GPN2: variants seen among roughly 807,000 people sequenced by gnomAD.
The protein encoded by GPN2 is GPN-loop GTPase 2.
A neutral mutation model predicts 30.1 loss-of-function variants in GPN2; 27 were observed. The observed-to-expected ratio is 0.90, with a 90% CI of 0.66 to 1.24. The LOEUF is 1.24. GPN2 is among the 50% of genes most tolerant of loss of function. The pLI, the probability that GPN2 is intolerant of heterozygous loss-of-function variation, is 0.00. For synonymous variants in GPN2, 212 were observed against 174.4 expected, an observed-to-expected ratio of 1.22 and a Z score of -1.70; for missense variants, 406 against 405.4, an observed-to-expected ratio of 1.00 and a Z score of -0.01.
chr1:26,883,786 CAA>C (rs772763510), intron 4 of GPN2, among the ~76,000 whole-genome samples: 3 of 133,194 alleles, frequency 2.3e-5, no homozygotes. Context: ...AACTCCCTTT[CAA>C]AAAAAAAAAA....
intron 4 of GPN2, 77 bp downstream of exon 4, chr1:26,884,083 T>C (rs1465412073): frequency 8.1e-7 from 1 of 1,229,512 alleles, no homozygotes; most frequent in Non-Finnish European, 1.1e-6. Flanking sequence ...ACAAGGTTGA[T>C]GACTGCACCT....
intron 3 of GPN2, among the ~76,000 whole-genome samples, chr1:26,885,148 G>A (rs1038104633): frequency 6.6e-6 from 1 of 152,194 alleles, no homozygotes; most frequent in African/African-American, 2.4e-5. Context: ...TAATTGTTGT[G>A]ATTGATATTA....
At position 26,886,121 on chromosome 1, in the gene GPN2, T is replaced by C. The variant is rs1279828689; in HGVS notation, c.581A>G (p.Asp194Gly). Residue 194 changes from aspartate (D) to glycine (G), a missense_variant, in exon 3 of 5, where the codon GAC becomes GGC. Asp to Gly is a moderately conservative substitution (Grantham distance 94). Coordinates refer to ENST00000374135, the MANE Select transcript of GPN2 (RefSeq NM_018066.4). ...EHYGKLAFNL[D>G]YYTEVLDLSY... ...GAGGTCCAGAACCTCTGTGTAGTAG[T>C]CCAGGTTGAAGGCTAAAGAGAGAAA... 2 of 1,613,510 alleles carry C rather than the reference T, an allele frequency of 1.2e-6. No homozygotes were observed. The highest frequency in any genetic ancestry group is 1.7e-6 in the Non-Finnish European group (2 of 1,179,542).
chr1:26,884,390 T>C, intron 3 of GPN2, 100 bp from the exon 4 acceptor site: 2 of 1,248,908 alleles, frequency 1.6e-6, no homozygotes, highest in Non-Finnish European at 2.2e-6. Context: ...CCTCTGTACC[T>C]GTAGCTTTCT....
intron 3 of GPN2, 117 bp from the exon 4 acceptor site, chr1:26,884,407 G>T: frequency 9.8e-7 from 1 of 1,015,596 alleles, no homozygotes; most frequent in Non-Finnish European, 1.4e-6. Flanking sequence ...TTCTTGGCCT[G>T]GAGTAGTTCT....
intron 4 of GPN2, among the ~76,000 whole-genome samples, chr1:26,883,668 C>T (rs1234501280): frequency 2.0e-5 from 3 of 151,626 alleles, no homozygotes; most frequent in Non-Finnish European, 2.9e-5. Context: ...ACACTAATAC[C>T]AGCTACTTGG....
chr1:26,889,083 G>C lies in GPN2; in HGVS notation c.454C>G (p.Pro152Ala), dbSNP rs759786061. Residue 152 changes from proline to alanine, a missense_variant, in exon 2 of 5, where the codon CCT becomes GCT. Coordinates refer to ENST00000374135, the MANE Select transcript of GPN2 (RefSeq NM_018066.4). Reference sequence around the variant, plus strand: ...CACAGTACTGAAATGAACTTGGCAGGGTCTGTGCAGTAGTGAGAATCCACG... The same window carrying C: ...CACAGTACTGAAATGAACTTGGCAGCGTCTGTGCAGTAGTGAGAATCCACG... ...HLVDSHYCTD[P>A]AKFISVLCTS... is the part of the protein sequence containing the mutation. 4 of 1,613,904 alleles carry C rather than the reference G, an allele frequency of 2.5e-6. No individual in the cohort carries two copies. The Admixed American group carries it at 6.7e-5, about 27-fold the overall frequency.
At chr1:26,886,364 T>C (rs1331210855) in intron 2 of GPN2, 1 of 581,550 alleles carries the variant, frequency 1.7e-6, no homozygotes, top group Non-Finnish European at 3.2e-6. Context: ...TTAAATGCTA[T>C]AAACCCCAGT....
chr1:26,889,848 G>C lies in GPN2; in HGVS notation c.249C>G (p.Tyr83Ter). 6.2e-7 allele frequency: 1 copy of C among 1,613,324 alleles called. No individual in the cohort carries two copies. Among genetic ancestry groups the C allele is most frequent in the East Asian group, 2.2e-5 (1 of 44,882 alleles). The change falls in exon 1 of 5, where the codon TAC becomes TAG. Residue 83 changes from tyrosine (Y) to a stop codon, truncating the protein, a stop_gained. Coordinates refer to ENST00000374135, the MANE Select transcript of GPN2 (RefSeq NM_018066.4). LOFTEE classifies it high-confidence loss of function. ...GGTTGGCTTCCAGGTACTCCATGCA[G>C]TAGAGCAGGCCGCCGTTGGGCCCCA... Reference protein sequence around the residue: ...LRLGPNGGLLYCMEYLEANLD... With the variant: ...LRLGPNGGLL
chr1:26,882,696 G>C (rs777525058), intron 4 of GPN2, among the ~76,000 whole-genome samples: 1 of 152,186 alleles, frequency 6.6e-6, no homozygotes, highest in Non-Finnish European at 1.5e-5. Context: ...CCTGCTTCAC[G>C]CATGGCCTCT....
Position 26,889,777 on chromosome 1 carries a change from A to G in GPN2, c.320T>C (p.Phe107Ser). 1 of 1,613,928 alleles carries G rather than the reference A, an allele frequency of 6.2e-7. No individual in the cohort carries two copies. The highest frequency in any genetic ancestry group is 8.5e-7 in the Non-Finnish European group (1 of 1,180,010). ...AKLDPLRGHY[F>S]LFDCPGQVEL... ...CACCTGGCCTGGGCAGTCGAAGAGGAAGTAGTGGCCGCGGAGGGGGTCGAG... is the reference window on the plus strand; with the variant it reads ...CACCTGGCCTGGGCAGTCGAAGAGGGAGTAGTGGCCGCGGAGGGGGTCGAG... The change falls in exon 1 of 5, where the codon TTC becomes TCC. Residue 107 changes from phenylalanine (F) to serine (S), a missense_variant. Coordinates refer to ENST00000374135, the MANE Select transcript of GPN2 (RefSeq NM_018066.4).
At position 26,889,993 on chromosome 1, in the gene GPN2, G is replaced by A. The variant is rs762518810; in HGVS notation, c.104C>T (p.Ala35Val). 8.1e-5 allele frequency: 130 copies of A among 1,601,426 alleles called. No homozygotes were observed. The highest frequency in any genetic ancestry group is 1.7e-4 in the Admixed American group (10 of 59,864). The change falls in exon 1 of 5, where the codon GCG becomes GTG. Residue 35 changes from alanine to valine, a missense_variant. Ala to Val is a moderately conservative substitution (Grantham distance 64, BLOSUM62 0). Transcript: ENST00000374135. The part of the protein sequence containing the change: ...YCLGMSEFLR[A>V]LGRRVAVVNL... Reference sequence around the variant, plus strand: ...CACCACCGCCACGCGCCGGCCCAGCGCGCGCAGGAACTCACTCATGCCCAG... The same window carrying A: ...CACCACCGCCACGCGCCGGCCCAGCACGCGCAGGAACTCACTCATGCCCAG...
In GPN2 at chr1:26,879,471, G is replaced by A. The variant is rs2081854161; in HGVS notation, c.*206C>T. On this transcript the variant is annotated 3_prime_UTR_variant, in exon 5 of 5. Coordinates refer to ENST00000374135, the MANE Select transcript of GPN2 (RefSeq NM_018066.4). ...TCTGGTGGCAGGGCCCAGAGCTCAC[G>A]GACACCACTGACAGTATGGGGGGTG... The A allele has an allele frequency of 7.0e-6, 4 of 571,884 alleles. No homozygotes were observed. Among genetic ancestry groups the A allele is most frequent in the Admixed American group, 5.9e-5 (2 of 33,748 alleles). 35.4% of individuals were successfully genotyped at this position (571,884 alleles called of 1,614,324 possible). A position where few individuals can be genotyped will look rare whatever the true frequency, so the allele number is the denominator to read the frequency against.
intron 2 of GPN2, among the ~76,000 whole-genome samples, chr1:26,888,530 C>A (rs1413987477): frequency 6.6e-6 from 1 of 152,238 alleles, no homozygotes; most frequent in Non-Finnish European, 1.5e-5. Flanking sequence ...CTGCATAGAA[C>A]AGTCCTCCCT....
In GPN2 at chr1:26,879,746, T is replaced by A; in HGVS notation, c.864A>T (p.Thr288=). The A allele has an allele frequency of 6.2e-7, 1 of 1,613,272 alleles. No homozygotes were observed. Residue 288 remains threonine (T), a synonymous_variant, in exon 5 of 5, where the codon ACA becomes ACT. Coordinates refer to ENST00000374135, the MANE Select transcript of GPN2 (RefSeq NM_018066.4). ...CCAGGTACTTCTCCTGGATGCCCAGTGTGCTGAGGAAGGGTGCGTCAAGGC... is the reference window on the plus strand; with the variant it reads ...CCAGGTACTTCTCCTGGATGCCCAGAGTGCTGAGGAAGGGTGCGTCAAGGC... ...AMGADFHFSS[T]LGIQEKYLAP...
chr1:26,887,286 G>T (rs2124003225), intron 2 of GPN2, among the ~76,000 whole-genome samples: 1 of 152,260 alleles, frequency 6.6e-6, no homozygotes, highest in South Asian at 2.1e-4. Flanking sequence ...CTCACTAAAA[G>T]AAGTAAGTTG....
chr1:26,885,864 C>G, intron 3 of GPN2, 109 bp downstream of exon 3: 1 of 856,626 alleles, frequency 1.2e-6, no homozygotes, highest in South Asian at 1.6e-5. Context: ...GAGGCTTGAG[C>G]AACCGCGCCC....
chr1:26,877,725 A>C lies in GPN2; in HGVS notation c.*1952T>G, dbSNP rs532615563. 1 of 152,304 alleles carries C rather than the reference A, an allele frequency of 6.6e-6. No individual in the cohort carries two copies. Among genetic ancestry groups the C allele is most frequent in the East Asian group, 1.9e-4 (1 of 5,190 alleles). 9.4% of individuals were successfully genotyped at this position (152,304 alleles called of 1,614,324 possible). On this transcript the variant is annotated 3_prime_UTR_variant, in exon 5 of 5. Coordinates refer to ENST00000374135, the MANE Select transcript of GPN2 (RefSeq NM_018066.4). ...GTGGAAGCACTCTAAAATACCAAGCACTTCATATGTGTTAATAAGTCCAAA... is the reference window on the plus strand; with the variant it reads ...GTGGAAGCACTCTAAAATACCAAGCCCTTCATATGTGTTAATAAGTCCAAA...
In GPN2 at chr1:26,886,029, G is replaced by A. The variant is rs1461005564; in HGVS notation, c.673C>T (p.Leu225=). Reference sequence around the variant, plus strand: ...CTATAGTCTTCGATGAGCTGCACTAGCTTCTCATTGAGCTGGCGGTAGTGG... The same window carrying A: ...CTATAGTCTTCGATGAGCTGCACTAACTTCTCATTGAGCTGGCGGTAGTGG... ...FRHYRQLNEK[L]VQLIEDYSLV... is the part of the protein sequence containing the mutation. The change falls in exon 3 of 5, where the codon CTA becomes TTA. Residue 225 remains leucine (L), a synonymous_variant. Coordinates refer to ENST00000374135, the MANE Select transcript of GPN2 (RefSeq NM_018066.4). 3.7e-6 allele frequency: 6 copies of A among 1,613,434 alleles called. No individual in the cohort carries two copies. The South Asian group carries it at 4.4e-5, about 12-fold the overall frequency.
Sources: gnomAD v4.1 joint callset for allele counts (sites outside exome capture counted in the v4.1 genomes callset) on GRCh38, gnomAD v4.1.1 for gene constraint, MANE v1.5 for transcripts, NCBI Gene and HGNC (gene_info 2026-07-23, HGNC 2026-07-21) for gene names.